Variants in TTLL8 observed in about 807,000 individuals in gnomAD.
TTLL8 encodes the protein protein monoglycylase TTLL8.
A neutral mutation model predicts 77.8 loss-of-function variants in TTLL8; 65 were observed. The observed-to-expected ratio is 0.84, with a 90% CI of 0.68 to 1.03. The LOEUF is 1.03. Among genes scored for constraint, TTLL8 ranks in the 50% least tolerant of loss-of-function variants. The pLI is 0.00. For missense variants in TTLL8, 910 were observed against 1,004.5 expected, an observed-to-expected ratio of 0.91 and a Z score of 1.27; for synonymous variants, 402 against 422.8, an observed-to-expected ratio of 0.95 and a Z score of 0.60.
intron 12 of TTLL8, among the ~76,000 whole-genome samples, chr22:50,024,331 G>A (rs536051177): frequency 6.6e-6 from 1 of 152,082 alleles, no homozygotes; most frequent in African/African-American, 2.4e-5. Flanking sequence ...CGCCATGTTG[G>A]TCAGGCTAGT....
chr22:50,045,602 C>A (rs1414780664), intron 5 of TTLL8, among the ~76,000 whole-genome samples: 1 of 152,194 alleles, frequency 6.6e-6, no homozygotes, highest in African/African-American at 2.4e-5. Flanking sequence ...CGGCCTCCGA[C>A]CACGGAGCCG....
chr22:50,046,002 G>A (rs780334305), intron 4 of TTLL8, 32 bp from the exon 7 acceptor site: 1 of 1,320,402 alleles, frequency 7.6e-7, no homozygotes, highest in African/African-American at 1.5e-5. Flanking sequence ...AGGCAGGAGG[G>A]GCAGCTCAGC....
At chr22:50,043,841 C>T (rs1483481158) in intron 6 of TTLL8, among the ~76,000 whole-genome samples, 2 of 152,006 alleles carry the variant, frequency 1.3e-5, no homozygotes, top group African/African-American at 4.8e-5. Flanking sequence ...GGAAGAAGAT[C>T]AGTGGTAGCC....
At chr22:50,025,239 T>A (rs1601905526) in intron 12 of TTLL8, among the ~76,000 whole-genome samples, 1 of 129,858 alleles carries the variant, frequency 7.7e-6, no homozygotes, top group Non-Finnish European at 1.6e-5. Context: ...ACCTACTGTG[T>A]ACCCACAGAA....
intron 2 of TTLL8, 67 bp downstream of exon 4, chr22:50,050,042 G>A (rs527764870): frequency 8.2e-4 from 1,083 of 1,328,168 alleles, no homozygotes; most frequent in East Asian, 1.8e-3. Flanking sequence ...TCAGGCCGGC[G>A]CCGACTCCTC....
chr22:50,042,156 T>C (rs2061375572), intron 6 of TTLL8, among the ~76,000 whole-genome samples: 1 of 152,112 alleles, frequency 6.6e-6, no homozygotes, highest in Admixed American at 6.5e-5. Flanking sequence ...TTCGACTTCA[T>C]TAAAATGAAA....
chr22:50,045,918 G>T, exon 5 of TTLL8: 1 of 1,362,092 alleles, frequency 7.3e-7, no homozygotes. Flanking sequence ...GAAGGAGTCG[G>T]GGTTGGCCGG....
At chr22:50,021,971 CG>C in intron 12 of TTLL8, among the ~76,000 whole-genome samples, 1 of 102,878 alleles carries the variant, frequency 9.7e-6, no homozygotes, top group Non-Finnish European at 2.0e-5. Flanking sequence ...CTCCATCTGA[CG>C]ACGTGCACTC....
chr22:50,031,471 C>T (rs1000162593), intron 11 of TTLL8: 2 of 882,372 alleles, frequency 2.3e-6, no homozygotes, highest in East Asian at 1.2e-4. Flanking sequence ...TGGAGTAGCC[C>T]CTTCCTCGGT....
rs142294653 is a variant in TTLL8 at position 50,032,540 on chromosome 22, G to A, written c.1284-431C>T. Among the ~76,000 whole-genome samples, 731 of 152,312 alleles carry A rather than the reference G, an allele frequency of 4.8e-3. 6 individuals are homozygous for A. The highest frequency in any genetic ancestry group is 0.016 in the African/African-American group (686 of 41,576). Reference sequence around the variant, plus strand: ...CGAGCATGACCCACCAGGCATGACCGCAGCCGCTCGCCTGGGCCGGAGTTA... The same window carrying A: ...CGAGCATGACCCACCAGGCATGACCACAGCCGCTCGCCTGGGCCGGAGTTA... On this transcript the variant is annotated intron_variant, in intron 10 of 13. Transcript: ENST00000266182.
intron 12 of TTLL8, among the ~76,000 whole-genome samples, chr22:50,025,631 C>T (rs1034800464): frequency 6.6e-6 from 1 of 152,068 alleles, no homozygotes; most frequent in South Asian, 2.1e-4. Context: ...CAGAGTGAGA[C>T]CTTGTCTCAA....
At chr22:50,051,238 T>G (rs2050686396) in intron 1 of TTLL8, among the ~76,000 whole-genome samples, 1 of 152,278 alleles carries the variant, frequency 6.6e-6, no homozygotes, top group Non-Finnish European at 1.5e-5. Flanking sequence ...ATCATTCTTA[T>G]GCCTTTGCAT....
At chr22:50,042,908 G>A (rs1398862520) in intron 6 of TTLL8, among the ~76,000 whole-genome samples, 3 of 152,184 alleles carry the variant, frequency 2.0e-5, no homozygotes, top group Admixed American at 6.5e-5. Context: ...ATGGTACAGC[G>A]ACTTTGGAAG....
At chr22:50,050,411 C>T (rs1204960040) in intron 1 of TTLL8, among the ~76,000 whole-genome samples, 164 bp from the exon 4 acceptor site, 1 of 147,396 alleles carries the variant, frequency 6.8e-6, no homozygotes, top group Non-Finnish European at 1.5e-5. Context: ...CTCACTCTGT[C>T]ATCCAGGCCG....
chr22:50,048,692 T>A (rs1032247199), intron 3 of TTLL8, among the ~76,000 whole-genome samples: 1 of 152,248 alleles, frequency 6.6e-6, no homozygotes, highest in African/African-American at 2.4e-5. Context: ...TTTTTCTATT[T>A]GTCTTTTCAT....
At chr22:50,043,859 C>T (rs1312106084) in intron 6 of TTLL8, among the ~76,000 whole-genome samples, 3 of 151,584 alleles carry the variant, frequency 2.0e-5, no homozygotes, top group Non-Finnish European at 2.9e-5. Flanking sequence ...GCCAAGAGCT[C>T]GGGGGCGGGG....
At chr22:50,048,373 C>T (rs537241249) in intron 3 of TTLL8, among the ~76,000 whole-genome samples, 37 of 152,236 alleles carry the variant, frequency 2.4e-4, no homozygotes, top group African/African-American at 7.5e-4. Context: ...TGAGCCTGAG[C>T]CCCTTATGAT....
chr22:50,046,346 G>A (rs1369237504), intron 4 of TTLL8, among the ~76,000 whole-genome samples: 3 of 152,220 alleles, frequency 2.0e-5, no homozygotes, highest in Non-Finnish European at 1.5e-5. Context: ...GGGAGGAGCG[G>A]CTGCAGGGCC....
chr22:50,036,204 G>T (rs1272632017), intron 8 of TTLL8, among the ~76,000 whole-genome samples: 3 of 152,200 alleles, frequency 2.0e-5, no homozygotes, highest in Non-Finnish European at 4.4e-5. Context: ...AAGCACCAGG[G>T]ACTCCAGAGA....
Sources: allele counts gnomAD v4.1 joint callset (sites outside exome capture counted in the v4.1 genomes callset), GRCh38; gene constraint gnomAD v4.1.1; transcripts MANE v1.5; gene names NCBI Gene and HGNC (gene_info 2026-07-23, HGNC 2026-07-21).